Variants in NFIB observed in about 807,000 individuals in gnomAD.
NFIB encodes the protein nuclear factor 1 B-type.
Under a neutral mutation model 61.5 loss-of-function variants are expected in NFIB, and 11 were observed. That is an observed-to-expected ratio of 0.18 (90% confidence interval 0.11 to 0.30). The LOEUF (loss-of-function observed/expected upper bound fraction) is 0.30. Ranked by LOEUF, NFIB falls within the 10% of genes least tolerant of loss-of-function variation. NFIB has a pLI of 1.00. For synonymous variants in NFIB, 260 were observed against 216.5 expected, an observed-to-expected ratio of 1.20 and a Z score of -1.76; for missense variants, 471 against 608.9, an observed-to-expected ratio of 0.77 and a Z score of 2.38.
intron 2 of NFIB, chr9:14,204,117 C>T: frequency 4.8e-6 from 2 of 413,028 alleles, no homozygotes; most frequent in Non-Finnish European, 8.5e-6. Flanking sequence ...TCTTCTCATC[C>T]TTTAACAGGC....
chr9:14,436,253 TC>T, the NFIB span, among the ~76,000 whole-genome samples: 6 of 152,188 alleles, frequency 3.9e-5, no homozygotes, highest in African/African-American at 1.4e-4. Context: ...AGGCAGTGCA[TC>T]CCTGCCATAT....
At chr9:14,374,132 A>T (rs905140372) in intron 1 of NFIB, among the ~76,000 whole-genome samples, 4 of 152,252 alleles carry the variant, frequency 2.6e-5, no homozygotes, top group Admixed American at 2.6e-4. Context: ...GTGGGGCCTT[A>T]TATGAGTGAA....
At position 14,156,004 on chromosome 9, in the gene NFIB, T is replaced by C. The variant is rs553254948; in HGVS notation, c.617-111A>G. The C allele has an allele frequency of 4.1e-4, 226 of 547,966 alleles. 2 individuals carry two copies. In the South Asian group the frequency reaches 7.5e-3, roughly 18 times the overall value. 33.9% of individuals were successfully genotyped at this position (547,966 alleles called of 1,614,324 possible). The stretch of plus-strand genomic sequence containing the variant: ...GCCAATGGTTTGAACAAAAACCAAA[T>C]ATGCTTACAATAAGGACTTTAAAAA... On this transcript the variant is annotated intron_variant, in intron 3 of 10. Coordinates refer to ENST00000380953, the MANE Select transcript of NFIB (RefSeq NM_001190737.2).
At chr9:14,122,108 A>C (rs1456933739) in intron 7 of NFIB, among the ~76,000 whole-genome samples, 2 of 150,828 alleles carry the variant, frequency 1.3e-5, no homozygotes, top group Non-Finnish European at 2.9e-5. Context: ...TATGAAAAAA[A>C]ATAAATTTTA....
At chr9:14,380,374 G>C (rs1040160640) in intron 1 of NFIB, among the ~76,000 whole-genome samples, 3 of 152,194 alleles carry the variant, frequency 2.0e-5, no homozygotes, top group Non-Finnish European at 2.9e-5. Flanking sequence ...ACTGATGCTT[G>C]CCTAATACTT....
Position 14,294,165 on chromosome 9 carries a change from G to A in NFIB, c.562+12824C>T, listed in dbSNP as rs569434618. 2.0e-5 allele frequency among the ~76,000 whole-genome samples: 3 copies of A among 152,336 alleles called. No homozygotes were observed. The East Asian group carries it at 5.8e-4, about 29-fold the overall frequency. On this transcript the variant is annotated intron_variant, in intron 2 of 10. Transcript: ENST00000380953. Reference sequence around the variant, plus strand: ...AAAAGGGATTAATGTAGTATAACAAGTCTATTTAATTACTGTAAGACCAGT... The same window carrying A: ...AAAAGGGATTAATGTAGTATAACAAATCTATTTAATTACTGTAAGACCAGT...
intron 1 of NFIB, among the ~76,000 whole-genome samples, chr9:14,363,491 T>G (rs2061263760): frequency 6.6e-6 from 1 of 152,192 alleles, no homozygotes. Context: ...GTTGATGGAT[T>G]TGGACTAGGC....
At chr9:14,501,777 G>A in the NFIB span, among the ~76,000 whole-genome samples, 3 of 152,140 alleles carry the variant, frequency 2.0e-5, no homozygotes, top group African/African-American at 7.2e-5. Flanking sequence ...AGGGCACTAC[G>A]CCCAGATGAC....
At chr9:14,203,826 G>GT (rs1222717312) in intron 2 of NFIB, among the ~76,000 whole-genome samples, 1 of 152,132 alleles carries the variant, frequency 6.6e-6, no homozygotes, top group East Asian at 1.9e-4. Flanking sequence ...ATAGAAAATG[G>GT]TGACAAGGGG....
At chr9:14,272,460 C>G (rs1457396427) in intron 2 of NFIB, among the ~76,000 whole-genome samples, 1 of 151,942 alleles carries the variant, frequency 6.6e-6, no homozygotes, top group Non-Finnish European at 1.5e-5. Context: ...AAAAACACTC[C>G]TACTGAAAAT....
intron 1 of NFIB, among the ~76,000 whole-genome samples, chr9:14,378,966 C>A (rs2061452403): frequency 6.6e-6 from 1 of 152,134 alleles, no homozygotes; most frequent in Admixed American, 6.5e-5. Flanking sequence ...AAGCCTCCCA[C>A]AATTAACAAA....
Position 14,230,050 on chromosome 9 carries a change from C to T in NFIB, c.563-50270G>A, listed in dbSNP as rs2052929460. Among the ~76,000 whole-genome samples the T allele has an allele frequency of 2.0e-5, 3 of 152,176 alleles. No individual in the cohort carries two copies. In the South Asian group the frequency reaches 6.2e-4, roughly 31 times the overall value. ...GAACTCCCGACCTCAGGTGATCAGC[C>T]CGCCTTAGCCTCCCAATGTGCTGAG... is the stretch of plus-strand genomic sequence containing the variant. On this transcript the variant is annotated intron_variant, in intron 2 of 10. Coordinates refer to ENST00000380953, the MANE Select transcript of NFIB (RefSeq NM_001190737.2).
At chr9:14,473,363 C>A in the NFIB span, among the ~76,000 whole-genome samples, 2 of 152,164 alleles carry the variant, frequency 1.3e-5, no homozygotes. Context: ...TCTTTTGGAT[C>A]TTCTTATTGA....
intron 10 of NFIB, among the ~76,000 whole-genome samples, chr9:14,106,723 G>C (rs1011869764): frequency 2.6e-5 from 4 of 152,110 alleles, no homozygotes; most frequent in African/African-American, 9.7e-5. Context: ...AATATTGCTT[G>C]TGACTTCAGA....
intron 2 of NFIB, among the ~76,000 whole-genome samples, chr9:14,306,596 CATAA>C (rs1323511826): frequency 1.3e-5 from 2 of 151,780 alleles, no homozygotes; most frequent in African/African-American, 2.4e-5. Context: ...TTTGGCTATT[CATAA>C]ATAAAGTTAT....
the NFIB span, among the ~76,000 whole-genome samples, chr9:14,502,547 T>C: frequency 2.0e-5 from 3 of 152,184 alleles, no homozygotes; most frequent in Non-Finnish European, 4.4e-5. Flanking sequence ...CAGTTACTTA[T>C]ATAAATGGGT....
chr9:14,253,462 C>G (rs577024307), intron 2 of NFIB, among the ~76,000 whole-genome samples: 1 of 152,244 alleles, frequency 6.6e-6, no homozygotes, highest in African/African-American at 2.4e-5. Flanking sequence ...CAGACCAAAA[C>G]AGCCCACAAA....
At chr9:14,148,119 CT>C (rs1266340327) in intron 5 of NFIB, among the ~76,000 whole-genome samples, 5 of 151,926 alleles carry the variant, frequency 3.3e-5, no homozygotes, top group Admixed American at 2.0e-4. Flanking sequence ...GAATTCTTTT[CT>C]TTTTTTGTTT....
chr9:14,227,249 G>C (rs1286583423), intron 2 of NFIB, among the ~76,000 whole-genome samples: 1 of 152,082 alleles, frequency 6.6e-6, no homozygotes, highest in African/African-American at 2.4e-5. Context: ...TCAGTTGAAA[G>C]ATTTCTGCCA....
Sources: gnomAD v4.1 joint callset for allele counts (sites outside exome capture counted in the v4.1 genomes callset) on GRCh38, gnomAD v4.1.1 for gene constraint, MANE v1.5 for transcripts, NCBI Gene and HGNC (gene_info 2026-07-23, HGNC 2026-07-21) for gene names.